ANGPTL1: variants seen among roughly 807,000 people sequenced by gnomAD.
The protein encoded by ANGPTL1 is angiopoietin like 1, also known as angiopoietin-related protein 1.
A neutral mutation model predicts 46.7 loss-of-function variants in ANGPTL1; 36 were observed. The observed-to-expected ratio is 0.77, with a 90% CI of 0.59 to 1.02. The LOEUF (loss-of-function observed/expected upper bound fraction) is 1.02, where lower values mean the gene tolerates loss of function less well. Ranked by LOEUF, ANGPTL1 falls within the 50% of genes least tolerant of loss-of-function variation. The pLI, the probability that ANGPTL1 is intolerant of heterozygous loss-of-function variation, is 0.00. For missense variants in ANGPTL1, 571 were observed against 594.7 expected (o/e 0.96, Z 0.41); for synonymous variants, 221 against 204.3 (o/e 1.08, Z -0.69).
chr1:178,854,677 C>T (rs998245527), intron 3 of ANGPTL1, among the ~76,000 whole-genome samples: 6 of 152,260 alleles, frequency 3.9e-5, no homozygotes, highest in African/African-American at 1.4e-4. Flanking sequence ...GGTCATGTAT[C>T]ACAGAAGATG....
In ANGPTL1 at chr1:178,852,663, T is replaced by A; in HGVS notation, c.1288+20A>T. 1 of 1,598,626 alleles carries A rather than the reference T, an allele frequency of 6.3e-7. No homozygotes were observed. The highest frequency in any genetic ancestry group is 8.5e-7 in the Non-Finnish European group (1 of 1,172,130). The stretch of plus-strand genomic sequence containing the variant: ...TAGAAGGTGATGATTCTACAAAGAA[T>A]GAAAGTTTTTCATACTTACCTGCAT... On this transcript the variant is annotated intron_variant, in intron 5 of 5. Transcript: ENST00000234816.
At chr1:178,857,780 T>A (rs1657693066) in intron 3 of ANGPTL1, among the ~76,000 whole-genome samples, 1 of 152,196 alleles carries the variant, frequency 6.6e-6, no homozygotes, top group Admixed American at 6.5e-5. Context: ...AAGGTTGGAC[T>A]TTTATTAGGT....
chr1:178,852,842 T>C lies in ANGPTL1; in HGVS notation c.1129A>G (p.Lys377Glu). Residue 377 changes from lysine (K) to glutamate (E), a missense_variant, in exon 5 of 6, where the codon AAA becomes GAA. By Grantham distance (56) the Lys-to-Glu change is moderately conservative. Transcript: ENST00000234816. Reference protein sequence around the residue: ...LLIELEDWSDKKVYAEYSSFR... With the variant: ...LLIELEDWSDEKVYAEYSSFR... ...CTGCTGTATTCTGCATAGACTTTTT[T>C]ATCACTCCAGTCTTCTAATTCAATC... The C allele has an allele frequency of 1.9e-6, 3 of 1,613,952 alleles. No homozygotes were observed.
chr1:178,860,184 AT>A (rs151123678), intron 3 of ANGPTL1, among the ~76,000 whole-genome samples: 7,949 of 151,912 alleles, frequency 0.052, 725 homozygotes, highest in African/African-American at 0.18. Context: ...TAAAAGAGTA[AT>A]TTTTTTTAAT....
In ANGPTL1 at chr1:178,849,849, C is replaced by G. The variant is rs1482992617; in HGVS notation, c.*1280G>C. On this transcript the variant is annotated 3_prime_UTR_variant, in exon 6 of 6. Coordinates refer to ENST00000234816, the MANE Select transcript of ANGPTL1 (RefSeq NM_004673.4). ...AGCTATTCCCATGCATAGTTTGCCT[C>G]ACACATTTCAATTCGAGGTTTTCTT... 4.6e-5 allele frequency: 7 copies of G among 152,226 alleles called. No individual in the cohort carries two copies. The East Asian group carries it at 1.3e-3, about 29-fold the overall frequency. The allele number at this position is 152,226 out of a possible 1,614,324, so 9.4% of individuals were successfully genotyped here.
intron 4 of ANGPTL1, 172 bp from the exon 5 acceptor site, chr1:178,853,125 CT>C: frequency 1.0e-6 from 1 of 985,336 alleles, no homozygotes; most frequent in Non-Finnish European, 1.2e-6. Context: ...TTGTCATTCT[CT>C]TTTTGTTTGT....
intron 3 of ANGPTL1, among the ~76,000 whole-genome samples, chr1:178,859,822 C>CCCG (rs1657862729): frequency 2.0e-5 from 1 of 49,028 alleles, no homozygotes; most frequent in Non-Finnish European, 4.0e-5. Context: ...CTCTGCCCGC[C>CCCG]CCCCCCCCCC....
chr1:178,852,991 T>C (rs753237115), intron 4 of ANGPTL1, 38 bp from the exon 5 acceptor site: 2 of 1,560,420 alleles, frequency 1.3e-6, no homozygotes, highest in Admixed American at 4.0e-5. Flanking sequence ...CATAAATAAG[T>C]ATAGAGATAG....
At chr1:178,859,845 T>A (rs1456501259) in intron 3 of ANGPTL1, among the ~76,000 whole-genome samples, 1 of 29,380 alleles carries the variant, frequency 3.4e-5, no homozygotes, top group Non-Finnish European at 7.0e-5. Flanking sequence ...ACCGCCCAAG[T>A]AGCTGGGACT....
At chr1:178,861,297 A>G (rs1182094308) in intron 3 of ANGPTL1, among the ~76,000 whole-genome samples, 1 of 152,214 alleles carries the variant, frequency 6.6e-6, no homozygotes, top group Non-Finnish European at 1.5e-5. Flanking sequence ...CAAATAATGA[A>G]TAACAGAAAA....
At chr1:178,851,381 A>G (rs1558149316) in intron 5 of ANGPTL1, 65 bp from the exon 6 acceptor site, 1 of 1,396,996 alleles carries the variant, frequency 7.2e-7, no homozygotes, top group Non-Finnish European at 9.5e-7. Flanking sequence ...CTGCAATCAT[A>G]AAAAACTTAT....
intron 3 of ANGPTL1, among the ~76,000 whole-genome samples, chr1:178,861,498 G>A (rs1658010991): frequency 6.6e-6 from 1 of 151,666 alleles, no homozygotes; most frequent in South Asian, 2.1e-4. Context: ...CATAGAATTG[G>A]TATGTTTCAT....
rs761587922 is a variant in ANGPTL1, at chr1:178,852,848, T to G, written c.1123A>C (p.Ser375Arg). The G allele has an allele frequency of 1.2e-6, 2 of 1,613,920 alleles. No individual in the cohort carries two copies. The highest frequency in any genetic ancestry group is 2.2e-5 in the South Asian group (2 of 91,072). ...YKLLIELEDW[S>R]DKKVYAEYSS... ...TATTCTGCATAGACTTTTTTATCAC[T>G]CCAGTCTTCTAATTCAATCAATAAC... The change falls in exon 5 of 6, where the codon AGT becomes CGT. Residue 375 changes from serine (S) to arginine (R), a missense_variant. Ser to Arg is a moderately radical substitution (Grantham distance 110). Coordinates refer to ENST00000234816, the MANE Select transcript of ANGPTL1 (RefSeq NM_004673.4).
chr1:178,861,818 A>G (rs1313549374), intron 3 of ANGPTL1, among the ~76,000 whole-genome samples: 1 of 152,164 alleles, frequency 6.6e-6, no homozygotes, highest in Non-Finnish European at 1.5e-5. Context: ...CCAGTGGGTC[A>G]CTTTATACAC....
At chr1:178,863,725 GA>G (rs1658188227) in intron 3 of ANGPTL1, among the ~76,000 whole-genome samples, 1 of 152,134 alleles carries the variant, frequency 6.6e-6, no homozygotes, top group South Asian at 2.1e-4. Context: ...ATATCTTGAA[GA>G]AAGACTTTAA....
chr1:178,859,827 C>CT (rs1388366176), intron 3 of ANGPTL1, among the ~76,000 whole-genome samples: 3 of 89,254 alleles, frequency 3.4e-5, no homozygotes, highest in African/African-American at 1.2e-4. Context: ...CCCGCCCCCC[C>CT]CCCCCCAACC....
At chr1:178,866,553 G>A (rs1336732754) in intron 2 of ANGPTL1, among the ~76,000 whole-genome samples, 1 of 152,128 alleles carries the variant, frequency 6.6e-6, no homozygotes, top group African/African-American at 2.4e-5. Flanking sequence ...TCTTCTAACA[G>A]AAGTCCTACT....
chr1:178,853,653 C>T lies in ANGPTL1; in HGVS notation c.958G>A (p.Val320Ile), dbSNP rs1657333951. ...GAGCCGTCTGTTCTTTTCTGAATAACAGTCCAACCCCCAGGGTCCAAACTG... is the reference window on the plus strand; with the variant it reads ...GAGCCGTCTGTTCTTTTCTGAATAATAGTCCAACCCCCAGGGTCCAAACTG... ...ENSLDPGGWTVIQKRTDGSVN... is the reference protein window; with the variant it reads ...ENSLDPGGWTIIQKRTDGSVN... Residue 320 changes from valine (V) to isoleucine (I), a missense_variant, in exon 4 of 6, where the codon GTT becomes ATT. Val to Ile is a conservative substitution (Grantham distance 29). Transcript: ENST00000234816. The T allele has an allele frequency of 1.9e-6, 3 of 1,611,610 alleles. No homozygotes were observed. Among genetic ancestry groups the T allele is most frequent in the Middle Eastern group, 1.7e-4 (1 of 6,046 alleles).
chr1:178,866,702 C>T (rs1658434284), intron 2 of ANGPTL1, among the ~76,000 whole-genome samples: 1 of 152,134 alleles, frequency 6.6e-6, no homozygotes, highest in Non-Finnish European at 1.5e-5. Flanking sequence ...GTACTCTGTG[C>T]ATGTTGAAGG....
Sources: allele counts gnomAD v4.1 joint callset (sites outside exome capture counted in the v4.1 genomes callset), GRCh38; gene constraint gnomAD v4.1.1; transcripts MANE v1.5; gene names NCBI Gene and HGNC (gene_info 2026-07-23, HGNC 2026-07-21).